Variants in CNTNAP2 observed in about 807,000 individuals in gnomAD.
The protein encoded by CNTNAP2 is contactin associated protein 2.
A neutral mutation model predicts 155.2 loss-of-function variants in CNTNAP2; 98 were observed. That is an observed-to-expected ratio of 0.63 (90% CI 0.54 to 0.75). CNTNAP2 has a LOEUF of 0.75. Ranked by LOEUF, CNTNAP2 falls within the 30% of genes least tolerant of loss-of-function variation. CNTNAP2 has a pLI of 0.00. For synonymous variants in CNTNAP2, 651 were observed against 631.2 expected, an observed-to-expected ratio of 1.03 and a Z score of -0.47; for missense variants, 1,727 against 1,688.1, an observed-to-expected ratio of 1.02 and a Z score of -0.40.
chr7:147,121,136 G>A lies in CNTNAP2; in HGVS notation c.912G>A (p.Glu304=), dbSNP rs372998403. 1.4e-5 allele frequency: 23 copies of A among 1,614,028 alleles called. No individual in the cohort carries two copies. In the South Asian group the frequency reaches 1.8e-4, roughly 12 times the overall value. ...RSMQHFRTNG[E]FDYLDLDYEI... The stretch of plus-strand genomic sequence containing the variant: ...TGCAGCACTTCCGTACCAATGGAGA[G>A]TTTGACTACCTGGACTTGGACTATG... The change falls in exon 6 of 24, where the codon GAG becomes GAA. Residue 304 remains glutamate (E), a synonymous_variant. Coordinates refer to ENST00000361727, the MANE Select transcript of CNTNAP2 (RefSeq NM_014141.6).
intron 8 of CNTNAP2, among the ~76,000 whole-genome samples, chr7:147,294,096 G>A (rs36050512): frequency 0.034 from 5,223 of 152,142 alleles, 124 homozygotes; most frequent in Non-Finnish European, 0.052. Context: ...ATACCACACC[G>A]GGTTCCAATT....
chr7:146,917,879 CTT>C (rs1796425766), intron 3 of CNTNAP2, among the ~76,000 whole-genome samples: 1 of 152,168 alleles, frequency 6.6e-6, no homozygotes, highest in African/African-American at 2.4e-5. Flanking sequence ...AATTAAATCT[CTT>C]TTCTTTCCAC....
intron 1 of CNTNAP2, among the ~76,000 whole-genome samples, chr7:146,523,686 C>T (rs1156308042): frequency 2.0e-5 from 3 of 152,036 alleles, no homozygotes; most frequent in African/African-American, 7.2e-5. Flanking sequence ...GTTTCTAATA[C>T]GTCTTTTGAC....
At chr7:148,209,081 A>G (rs1182572761) in intron 18 of CNTNAP2, among the ~76,000 whole-genome samples, 3 of 152,072 alleles carry the variant, frequency 2.0e-5, no homozygotes, top group African/African-American at 4.8e-5. Flanking sequence ...TTTGACTTCT[A>G]TGCTTCCCTG....
intron 1 of CNTNAP2, among the ~76,000 whole-genome samples, chr7:146,539,744 G>T (rs1053199056): frequency 1.3e-5 from 2 of 151,934 alleles, no homozygotes; most frequent in African/African-American, 4.8e-5. Flanking sequence ...TTTTTGCATT[G>T]AATTTTTGCC....
chr7:146,237,397 G>A (rs1410282444), intron 1 of CNTNAP2, among the ~76,000 whole-genome samples: 1 of 152,190 alleles, frequency 6.6e-6, no homozygotes, highest in Admixed American at 6.5e-5. Context: ...TAATTTCATT[G>A]AATGGGTAGC....
At chr7:147,709,454 G>A (rs1345117870) in intron 13 of CNTNAP2, among the ~76,000 whole-genome samples, 1 of 152,154 alleles carries the variant, frequency 6.6e-6, no homozygotes, top group African/African-American at 2.4e-5. Context: ...ATTTCACAGA[G>A]CTCTTTTTGT....
At chr7:146,685,356 C>A (rs971945309) in intron 1 of CNTNAP2, among the ~76,000 whole-genome samples, 1 of 152,102 alleles carries the variant, frequency 6.6e-6, no homozygotes, top group African/African-American at 2.4e-5. Context: ...AGATGACACA[C>A]AAACAACATG....
At chr7:147,230,409 C>A (rs185937512) in intron 8 of CNTNAP2, among the ~76,000 whole-genome samples, 1 of 152,050 alleles carries the variant, frequency 6.6e-6, no homozygotes, top group Non-Finnish European at 1.5e-5. Context: ...AGGCATGCAC[C>A]ACCATGCTGG....
At chr7:148,369,180 CCTTTTT>C (rs1563061498) in intron 21 of CNTNAP2, among the ~76,000 whole-genome samples, 2 of 105,142 alleles carry the variant, frequency 1.9e-5, no homozygotes, top group Admixed American at 2.7e-4. Flanking sequence ...AAATTGAATC[CCTTTTT>C]TTTTTTTTTT....
intron 1 of CNTNAP2, among the ~76,000 whole-genome samples, chr7:146,482,208 A>G (rs1485278616): frequency 2.1e-5 from 3 of 145,434 alleles, no homozygotes; most frequent in African/African-American, 5.1e-5. Flanking sequence ...AAGAATTAGA[A>G]AAAAAAAAAA....
intron 3 of CNTNAP2, among the ~76,000 whole-genome samples, chr7:147,004,014 A>C (rs972748159): frequency 9.9e-5 from 15 of 152,080 alleles, no homozygotes; most frequent in Non-Finnish European, 1.5e-5. Flanking sequence ...CCTGAGTGAC[A>C]GAGACCCTGT....
intron 1 of CNTNAP2, among the ~76,000 whole-genome samples, chr7:146,661,951 A>G (rs1040955174): frequency 1.3e-5 from 2 of 152,022 alleles, no homozygotes; most frequent in Non-Finnish European, 2.9e-5. Context: ...TGCTTTGCAT[A>G]TTTGTCAGCA....
intron 13 of CNTNAP2, among the ~76,000 whole-genome samples, chr7:147,818,116 A>G (rs930609748): frequency 6.6e-6 from 1 of 152,092 alleles, no homozygotes; most frequent in African/African-American, 2.4e-5. Context: ...ATTGTTTTCT[A>G]CAAAGAGGTA....
chr7:147,316,089 CAT>C (rs1795228713), intron 9 of CNTNAP2, among the ~76,000 whole-genome samples: 2 of 152,052 alleles, frequency 1.3e-5, no homozygotes, highest in East Asian at 1.9e-4. Flanking sequence ...TTTGATTGCA[CAT>C]ATGTTTTTCT....
intron 11 of CNTNAP2, among the ~76,000 whole-genome samples, chr7:147,536,284 T>C (rs1226414659): frequency 1.3e-5 from 2 of 152,246 alleles, no homozygotes; most frequent in Non-Finnish European, 2.9e-5. Context: ...TTATTGAGCA[T>C]CTATCACGCA....
intron 17 of CNTNAP2, among the ~76,000 whole-genome samples, chr7:148,158,940 A>G (rs1212901732): frequency 6.6e-6 from 1 of 152,268 alleles, no homozygotes; most frequent in Non-Finnish European, 1.5e-5. Context: ...AAAATAAATT[A>G]GTATCAATGA....
At chr7:146,939,785 CA>C (rs1300523076) in intron 3 of CNTNAP2, among the ~76,000 whole-genome samples, 1 of 151,764 alleles carries the variant, frequency 6.6e-6, no homozygotes. Context: ...TTAGCACCTA[CA>C]AAAAAACTAA....
chr7:146,546,846 G>C (rs1798036859), intron 1 of CNTNAP2, among the ~76,000 whole-genome samples: 2 of 151,836 alleles, frequency 1.3e-5, no homozygotes, highest in Admixed American at 6.6e-5. Flanking sequence ...CGGCACTGGG[G>C]TAACTGCACC....
Sources: gnomAD v4.1 joint callset for allele counts (sites outside exome capture counted in the v4.1 genomes callset) on GRCh38, gnomAD v4.1.1 for gene constraint, MANE v1.5 for transcripts, NCBI Gene and HGNC (gene_info 2026-07-23, HGNC 2026-07-21) for gene names.